GIMD1: variants seen among roughly 807,000 people sequenced by gnomAD.
The protein encoded by GIMD1 is GIMAP family P-loop NTPase domain containing 1.
A neutral mutation model predicts 14.9 loss-of-function variants in GIMD1; 14 were observed. That is an observed-to-expected ratio of 0.94 (90% confidence interval 0.62 to 1.47). The LOEUF is 1.47. GIMD1 is among the 40% of genes most tolerant of loss of function. The pLI, the probability that GIMD1 is intolerant of heterozygous loss-of-function variation, is 0.00. For synonymous variants in GIMD1, 91 were observed against 90.5 expected (o/e 1.01, Z -0.03); for missense variants, 272 against 255.3 (o/e 1.07, Z -0.44).
At chr4:106,367,484 C>T in intron 1 of GIMD1, 47 bp from the exon 2 acceptor site, 1 of 1,449,052 alleles carries the variant, frequency 6.9e-7, no homozygotes, top group Non-Finnish European at 9.1e-7. Flanking sequence ...CTTCTACATT[C>T]CCCCAATGTA....
intron 1 of GIMD1, 27 bp from the exon 2 acceptor site, chr4:106,367,464 C>A (rs533159245): frequency 3.4e-6 from 5 of 1,487,932 alleles, no homozygotes; most frequent in Admixed American, 2.1e-5. Context: ...GCATAGCACG[C>A]ATAATTAGGC....
At chr4:106,364,644 C>T (rs1455467747) in intron 2 of GIMD1, among the ~76,000 whole-genome samples, 3 of 152,170 alleles carry the variant, frequency 2.0e-5, no homozygotes, top group Admixed American at 1.3e-4. Flanking sequence ...TCATAGGCCA[C>T]TCAAGATTAT....
chr4:106,365,429 G>T, intron 2 of GIMD1, among the ~76,000 whole-genome samples: 1 of 150,198 alleles, frequency 6.7e-6, no homozygotes, highest in African/African-American at 2.5e-5. Flanking sequence ...CACAGTTACT[G>T]AAAAACAATG....
chr4:106,367,340 T>G lies in GIMD1; in HGVS notation c.96A>C (p.Thr32=), dbSNP rs973562332. The part of the protein sequence containing the change: ...SSAGNILLGS[T]DFHSSFAPCS... ...AGGGAGCAAAGCTGCTGTGAAAGTC[T>G]GTGCTTCCCAGCAGAATGTTTCCAG... The change falls in exon 2 of 3, where the codon ACA becomes ACC. Residue 32 remains threonine, a synonymous_variant. Coordinates refer to ENST00000638719, the MANE Select transcript of GIMD1 (RefSeq NM_001195138.2). 3.3e-6 allele frequency: 5 copies of G among 1,536,064 alleles called. No individual in the cohort carries two copies. The East Asian group carries it at 1.2e-4, about 38-fold the overall frequency.
intron 1 of GIMD1, among the ~76,000 whole-genome samples, chr4:106,367,807 C>T (rs1770727606): frequency 6.6e-6 from 1 of 152,102 alleles, no homozygotes; most frequent in South Asian, 2.1e-4. Context: ...AGTTCCTGAG[C>T]TCAGGGGCAA....
chr4:106,363,890 G>T (rs1018733827), intron 2 of GIMD1, among the ~76,000 whole-genome samples: 4 of 139,920 alleles, frequency 2.9e-5, no homozygotes, highest in African/African-American at 5.1e-5. Context: ...TAATGGGGGG[G>T]GGGGGGCGGA....
intron 2 of GIMD1, among the ~76,000 whole-genome samples, chr4:106,359,459 A>G (rs1770582582): frequency 6.6e-6 from 1 of 151,894 alleles, no homozygotes; most frequent in Admixed American, 6.6e-5. Context: ...GCCAGATATT[A>G]TGCTAAGCAC....
intron 2 of GIMD1, among the ~76,000 whole-genome samples, chr4:106,361,499 T>C (rs2949626): frequency 0.23 from 34,880 of 151,922 alleles, 4,245 homozygotes; most frequent in Middle Eastern, 0.34. Flanking sequence ...ATGATTGAGA[T>C]TGTACAGCAT....
At chr4:106,360,951 A>G (rs1770603704) in intron 2 of GIMD1, among the ~76,000 whole-genome samples, 1 of 152,054 alleles carries the variant, frequency 6.6e-6, no homozygotes, top group Non-Finnish European at 1.5e-5. Flanking sequence ...AGCCCTAGCA[A>G]ACTAATGCAA....
rs1770719447 is a variant in GIMD1, at chr4:106,367,325, G to T, written c.111C>A (p.Ser37Arg). Residue 37 changes from serine (S) to arginine (R), a missense_variant, in exon 2 of 3, where the codon AGC becomes AGA. By Grantham distance (110) the Ser-to-Arg change is moderately radical (BLOSUM62 -1). Coordinates refer to ENST00000638719, the MANE Select transcript of GIMD1 (RefSeq NM_001195138.2). ...ILLGSTDFHSSFAPCSVTTCC... is the reference protein window; with the variant it reads ...ILLGSTDFHSRFAPCSVTTCC... Reference sequence around the variant, plus strand: ...ATGTGGTCACAGAACAGGGAGCAAAGCTGCTGTGAAAGTCTGTGCTTCCCA... The same window carrying T: ...ATGTGGTCACAGAACAGGGAGCAAATCTGCTGTGAAAGTCTGTGCTTCCCA... 9.1e-6 allele frequency: 14 copies of T among 1,535,940 alleles called. No homozygotes were observed. The highest frequency in any genetic ancestry group is 1.4e-5 in the African/African-American group (1 of 73,050).
intron 2 of GIMD1, among the ~76,000 whole-genome samples, chr4:106,359,476 T>G (rs142594304): frequency 1.3e-3 from 198 of 152,002 alleles, no homozygotes; most frequent in African/African-American, 4.5e-3. Context: ...GCACTTTACA[T>G]GCGTTACCTC....
intron 2 of GIMD1, among the ~76,000 whole-genome samples, chr4:106,365,363 A>G (rs998327257): frequency 9.5e-5 from 14 of 147,148 alleles, no homozygotes; most frequent in Non-Finnish European, 2.1e-4. Flanking sequence ...TTTTTCTGCT[A>G]GTTTCTTGTG....
At chr4:106,359,849 T>G (rs1770589361) in intron 2 of GIMD1, among the ~76,000 whole-genome samples, 1 of 151,798 alleles carries the variant, frequency 6.6e-6, no homozygotes, top group African/African-American at 2.4e-5. Context: ...GGACAAAACA[T>G]TTAAAATTAG....
At chr4:106,368,478 C>A (rs1770741025) in intron 1 of GIMD1, among the ~76,000 whole-genome samples, 1 of 151,984 alleles carries the variant, frequency 6.6e-6, no homozygotes, top group African/African-American at 2.4e-5. Flanking sequence ...CCTTTAATGC[C>A]CCTCACTCCA....
intron 1 of GIMD1, among the ~76,000 whole-genome samples, chr4:106,367,733 T>G (rs576858570): frequency 1.6e-4 from 25 of 152,252 alleles, no homozygotes; most frequent in African/African-American, 5.5e-4. Context: ...ATAAAAACCA[T>G]GTTTAAGAGA....
At chr4:106,365,497 A>G (rs948609909) in intron 2 of GIMD1, among the ~76,000 whole-genome samples, 5 of 151,924 alleles carry the variant, frequency 3.3e-5, no homozygotes, top group Non-Finnish European at 5.9e-5. Context: ...CTTCATTAAA[A>G]CCAAGTAACT....
Position 106,358,177 on chromosome 4 carries a change from T to C in GIMD1, c.*6A>G. ...TACCCAATGCTCCTTTCCTTTCACC[T>C]AAATTTTATTTAAATGTAAGAACTT... On this transcript the variant is annotated 3_prime_UTR_variant, in exon 3 of 3. Transcript: ENST00000638719. 6.8e-7 allele frequency: 1 copy of C among 1,466,760 alleles called. No individual in the cohort carries two copies. Among genetic ancestry groups the C allele is most frequent in the Non-Finnish European group, 9.0e-7 (1 of 1,112,702 alleles). The allele number at this position is 1,466,760 out of a possible 1,614,324, so 90.9% of individuals were successfully genotyped here.
Position 106,358,183 on chromosome 4 carries a change from T to G in GIMD1, c.654A>C (p.Ter218TyrextTer49). 1 of 1,472,876 alleles carries G rather than the reference T, an allele frequency of 6.8e-7. No individual in the cohort carries two copies. The highest frequency in any genetic ancestry group is 9.0e-7 in the Non-Finnish European group (1 of 1,116,674). The allele number at this position is 1,472,876 out of a possible 1,614,324, so 91.2% of individuals were successfully genotyped here. ...ATGCTCCTTTCCTTTCACCTAAATT[T>G]TATTTAAATGTAAGAACTTGGTAAC... Reference protein sequence around the residue: ...ENCYQVLTFK* With the variant: ...ENCYQVLTFKY The change falls in exon 3 of 3, where the codon TAA becomes TAC. Residue 218 changes from the stop codon to tyrosine (Y), a stop_lost. Transcript: ENST00000638719.
At position 106,358,017 on chromosome 4, in the gene GIMD1, T is replaced by C. The variant is rs1035553708; in HGVS notation, c.*166A>G. The C allele has an allele frequency of 4.2e-5, 22 of 523,386 alleles. 1 individual carries two copies. The highest frequency in any genetic ancestry group is 1.0e-3 in the Middle Eastern group (2 of 1,986). 32.4% of individuals were successfully genotyped at this position (523,386 alleles called of 1,614,324 possible). A position where few individuals can be genotyped will look rare whatever the true frequency, so the allele number is the denominator to read the frequency against. On this transcript the variant is annotated 3_prime_UTR_variant, in exon 3 of 3. Coordinates refer to ENST00000638719, the MANE Select transcript of GIMD1 (RefSeq NM_001195138.2). ...GATTTGCATTAGAAATCTTGAATCATTGATGTTCTTTTTAACTTCTAGTTT... is the reference window on the plus strand; with the variant it reads ...GATTTGCATTAGAAATCTTGAATCACTGATGTTCTTTTTAACTTCTAGTTT...
Sources: gnomAD v4.1 joint callset for allele counts (sites outside exome capture counted in the v4.1 genomes callset) on GRCh38, gnomAD v4.1.1 for gene constraint, MANE v1.5 for transcripts, NCBI Gene and HGNC (gene_info 2026-07-23, HGNC 2026-07-21) for gene names.